Variants in PIBF1 observed in about 807,000 individuals in gnomAD.
PIBF1 encodes the protein progesterone-induced-blocking factor 1.
Under a neutral mutation model 112.5 loss-of-function variants are expected in PIBF1, and 90 were observed. The observed-to-expected ratio is 0.80, with a 90% CI of 0.67 to 0.95. The LOEUF is 0.95. Among genes scored for constraint, PIBF1 ranks in the 40% least tolerant of loss-of-function variants. The probability of loss-of-function intolerance (pLI) is 0.00; values close to 1 mark genes in which losing one functional copy is unlikely to be tolerated. For synonymous variants in PIBF1, 301 were observed against 288.6 expected (o/e 1.04, Z -0.44); for missense variants, 915 against 852.3 (o/e 1.07, Z -0.92).
At chr13:72,952,888 GA>G (rs71102891) in intron 14 of PIBF1, among the ~76,000 whole-genome samples, 16 of 141,348 alleles carry the variant, frequency 1.1e-4, no homozygotes, top group South Asian at 4.5e-4. Flanking sequence ...GTGCCCTTAA[GA>G]AAAAAAAAAA....
rs1035351991 is a variant in PIBF1, at chr13:72,987,460, G to C, written c.2050-11362G>C. Among the ~76,000 whole-genome samples the C allele has an allele frequency of 3.3e-4, 50 of 151,812 alleles. 1 individual carries two copies. Among genetic ancestry groups the C allele is most frequent in the Non-Finnish European group, 1.0e-4 (7 of 67,964 alleles). ...ATTTCTTAATTGTATAGAGAGACTG[G>C]GCTAAATAACTTGAAGATCTCTTCC... is the stretch of plus-strand genomic sequence containing the variant. On this transcript the variant is annotated intron_variant, in intron 16 of 17. Coordinates refer to ENST00000326291, the MANE Select transcript of PIBF1 (RefSeq NM_006346.4).
At chr13:72,901,027 CA>C in intron 11 of PIBF1, 1 of 427,668 alleles carries the variant, frequency 2.3e-6, no homozygotes. Flanking sequence ...CGTCTCAAAA[CA>C]AAAAGCAAAA....
intron 14 of PIBF1, among the ~76,000 whole-genome samples, chr13:72,959,607 C>T (rs1297332465): frequency 6.6e-6 from 1 of 152,138 alleles, no homozygotes; most frequent in African/African-American, 2.4e-5. Context: ...AAAAAAACTC[C>T]ACATGTAGGA....
chr13:72,859,897 A>G (rs1484540504), intron 10 of PIBF1, among the ~76,000 whole-genome samples: 3 of 152,196 alleles, frequency 2.0e-5, no homozygotes, highest in Admixed American at 6.5e-5. Context: ...AAAGTGCCCT[A>G]TTAGTGCTAG....
At chr13:72,945,707 G>A (rs956242723) in intron 14 of PIBF1, among the ~76,000 whole-genome samples, 1 of 152,040 alleles carries the variant, frequency 6.6e-6, no homozygotes, top group East Asian at 1.9e-4. Flanking sequence ...ATTCAAATTA[G>A]AGAATATGAA....
intron 5 of PIBF1, among the ~76,000 whole-genome samples, chr13:72,804,860 CAAAT>C (rs915796248): frequency 2.0e-5 from 3 of 152,130 alleles, no homozygotes; most frequent in Admixed American, 6.6e-5. Context: ...CTAAATTTGA[CAAAT>C]AAAAGGAAGT....
At position 72,783,659 on chromosome 13, in the gene PIBF1, A is replaced by G; in HGVS notation, c.190A>G (p.Lys64Glu). 1 of 1,613,986 alleles carries G rather than the reference A, an allele frequency of 6.2e-7. No individual in the cohort carries two copies. The change falls in exon 2 of 18, where the codon AAA becomes GAA. Residue 64 changes from lysine (K) to glutamate (E), a missense_variant. Lys to Glu is a moderately conservative substitution (Grantham distance 56). Transcript: ENST00000326291. ...KELLHNIQLL[K>E]IELSQKTMMI... ...ACTACTTCATAATATTCAGTTACTA[A>G]AAATTGAGCTATCCCAGAAAACTAT...
intron 12 of PIBF1, among the ~76,000 whole-genome samples, chr13:72,915,070 C>T (rs1241053770): frequency 3.3e-5 from 5 of 152,012 alleles, no homozygotes; most frequent in Non-Finnish European, 7.4e-5. Flanking sequence ...TTATATATAG[C>T]ATGTACATTG....
intron 15 of PIBF1, among the ~76,000 whole-genome samples, chr13:72,971,997 G>GGCTT (rs2042903477): frequency 7.0e-6 from 1 of 142,680 alleles, no homozygotes; most frequent in African/African-American, 2.6e-5. Context: ...AAAGATTAGT[G>GGCTT]GCTTTCATTT....
At chr13:72,928,028 T>C (rs201194291) in intron 13 of PIBF1, among the ~76,000 whole-genome samples, 5 of 58,852 alleles carry the variant, frequency 8.5e-5, no homozygotes, top group African/African-American at 2.0e-4. Context: ...TATATATACA[T>C]ATATATATAT....
chr13:72,791,417 A>G (rs1182683742), intron 2 of PIBF1, among the ~76,000 whole-genome samples: 1 of 152,150 alleles, frequency 6.6e-6, no homozygotes, highest in Non-Finnish European at 1.5e-5. Flanking sequence ...GGAATAAAGA[A>G]TTTTCTAAAT....
chr13:72,953,686 G>T (rs972137771), intron 14 of PIBF1, among the ~76,000 whole-genome samples: 3 of 152,150 alleles, frequency 2.0e-5, no homozygotes, highest in African/African-American at 4.8e-5. Context: ...GGCAATGCAG[G>T]CAATGGCAAC....
Position 72,792,395 on chromosome 13 carries a change from A to T in PIBF1, c.253-52A>T. ...TTAAAATATGTTTATTATGAAACTGAAAGTTTTTCTTTATGACAAATCATA... is the reference window on the plus strand; with the variant it reads ...TTAAAATATGTTTATTATGAAACTGTAAGTTTTTCTTTATGACAAATCATA... On this transcript the variant is annotated intron_variant, in intron 2 of 17. Coordinates refer to ENST00000326291, the MANE Select transcript of PIBF1 (RefSeq NM_006346.4). The T allele has an allele frequency of 7.2e-6, 8 of 1,117,746 alleles. No individual in the cohort carries two copies. The South Asian group carries it at 1.1e-4, about 16-fold the overall frequency. 69.2% of individuals were successfully genotyped at this position (1,117,746 alleles called of 1,614,324 possible). A position where few individuals can be genotyped will look rare whatever the true frequency, so the allele number is the denominator to read the frequency against.
chr13:72,795,253 C>T (rs117412536), intron 3 of PIBF1, 106 bp from the exon 4 acceptor site: 7,049 of 699,554 alleles, frequency 0.01, 254 homozygotes, highest in East Asian at 0.02. Context: ...ATAATACTGT[C>T]AGGTTTCTGA....
intron 14 of PIBF1, among the ~76,000 whole-genome samples, chr13:72,942,375 A>G (rs961202380): frequency 8.6e-5 from 13 of 150,574 alleles, no homozygotes; most frequent in Non-Finnish European, 1.5e-4. Flanking sequence ...AATTTTTTTC[A>G]TTTTAGACAT....
At chr13:72,834,635 A>G (rs1292716401) in intron 8 of PIBF1, among the ~76,000 whole-genome samples, 3 of 152,158 alleles carry the variant, frequency 2.0e-5, no homozygotes, top group Non-Finnish European at 4.4e-5. Flanking sequence ...AAAAAAAGAA[A>G]AAAATACTAA....
intron 14 of PIBF1, among the ~76,000 whole-genome samples, chr13:72,955,646 T>C (rs2042425985): frequency 6.6e-6 from 1 of 152,136 alleles, no homozygotes; most frequent in African/African-American, 2.4e-5. Flanking sequence ...TCAGCAATGT[T>C]ATACAGTTGA....
intron 8 of PIBF1, among the ~76,000 whole-genome samples, chr13:72,833,852 C>T (rs1463443049): frequency 6.6e-6 from 1 of 152,184 alleles, no homozygotes; most frequent in Non-Finnish European, 1.5e-5. Context: ...CACCCACAGG[C>T]ACCCCTTTCC....
At chr13:73,001,557 C>T (rs1440491855) in intron 17 of PIBF1, among the ~76,000 whole-genome samples, 2 of 113,764 alleles carry the variant, frequency 1.8e-5, no homozygotes, top group Non-Finnish European at 3.4e-5. Context: ...TGCTGTGACG[C>T]AGAGGAGGAG....
Sources: gnomAD v4.1 joint callset for allele counts (sites outside exome capture counted in the v4.1 genomes callset) on GRCh38, gnomAD v4.1.1 for gene constraint, MANE v1.5 for transcripts, NCBI Gene and HGNC (gene_info 2026-07-23, HGNC 2026-07-21) for gene names.